Variants in TMTC3 observed in about 807,000 individuals in gnomAD.
TMTC3 encodes the protein protein O-mannosyl-transferase TMTC3.
TMTC3 carries 52 observed loss-of-function variants against 92.2 expected under a neutral mutation model. That is an observed-to-expected ratio of 0.56 (90% CI 0.45 to 0.71). The LOEUF is 0.71. TMTC3 is among the 30% of genes least tolerant of loss of function. TMTC3 has a pLI of 0.00. For missense variants in TMTC3, 896 were observed against 1,057.1 expected, an observed-to-expected ratio of 0.85 and a Z score of 2.11; for synonymous variants, 339 against 363.3, an observed-to-expected ratio of 0.93 and a Z score of 0.76.
At chr12:88,193,011 C>G (rs1376876258) in intron 13 of TMTC3, among the ~76,000 whole-genome samples, 181 bp downstream of exon 13, 1 of 152,088 alleles carries the variant, frequency 6.6e-6, no homozygotes, top group Non-Finnish European at 1.5e-5. Context: ...TTTCAAGTAA[C>G]ATGCATTCTA....
chr12:88,190,236 ATTTGTAT>A (rs2041426935), intron 11 of TMTC3, among the ~76,000 whole-genome samples: 1 of 152,098 alleles, frequency 6.6e-6, no homozygotes, highest in African/African-American at 2.4e-5. Context: ...TTAGCTTTTT[ATTTGTAT>A]CTGTCTTTTT....
intron 6 of TMTC3, among the ~76,000 whole-genome samples, chr12:88,161,637 T>A (rs543279384): frequency 2.0e-5 from 3 of 152,028 alleles, no homozygotes; most frequent in Non-Finnish European, 4.4e-5. Flanking sequence ...TCCTTTTTTC[T>A]CTCTTTCCAC....
chr12:88,168,664 G>C (rs555783869), intron 7 of TMTC3, among the ~76,000 whole-genome samples: 3 of 152,272 alleles, frequency 2.0e-5, no homozygotes, highest in Admixed American at 2.0e-4. Flanking sequence ...TGGTTAAGTG[G>C]TAGACTTAAG....
Position 88,192,652 on chromosome 12 carries a change from A to G in TMTC3, c.1755A>G (p.Ala585=), listed in dbSNP as rs2138444360. The change falls in exon 13 of 14, where the codon GCA becomes GCG. Residue 585 remains alanine (A), a synonymous_variant. Coordinates refer to ENST00000266712, the MANE Select transcript of TMTC3 (RefSeq NM_181783.4). ...ATAAACCTCTTAAAGCAAAGGAAGC[A>G]TATCTTAAAGCACTAGAGCTGGACA... The part of the protein sequence containing the change: ...KMNKPLKAKE[A]YLKALELDRN... 2.5e-6 allele frequency: 4 copies of G among 1,612,528 alleles called. No homozygotes were observed. The highest frequency in any genetic ancestry group is 2.2e-5 in the South Asian group (2 of 91,014).
Position 88,148,511 on chromosome 12 carries a change from A to G in TMTC3, c.189+7A>G. 7 of 1,577,216 alleles carry G rather than the reference A, an allele frequency of 4.4e-6. No individual in the cohort carries two copies. The highest frequency in any genetic ancestry group is 5.2e-6 in the Non-Finnish European group (6 of 1,157,432). On this transcript the variant is annotated splice_region_variant and intron_variant, in intron 2 of 13. Coordinates refer to ENST00000266712, the MANE Select transcript of TMTC3 (RefSeq NM_181783.4). Reference sequence around the variant, plus strand: ...GGGAACCCCTATGTCTGAGGTAAGTAATTACTTACATATTACTTGTACATG... The same window carrying G: ...GGGAACCCCTATGTCTGAGGTAAGTGATTACTTACATATTACTTGTACATG...
At position 88,196,144 on chromosome 12, in the gene TMTC3, T is replaced by A. The variant is rs1447426759; in HGVS notation, c.*495T>A. 6.6e-6 allele frequency: 1 copy of A among 152,258 alleles called. No homozygotes were observed. The highest frequency in any genetic ancestry group is 1.5e-5 in the Non-Finnish European group (1 of 68,004). 9.4% of individuals were successfully genotyped at this position (152,258 alleles called of 1,614,324 possible). A position where few individuals can be genotyped will look rare whatever the true frequency, so the allele number is the denominator to read the frequency against. On this transcript the variant is annotated 3_prime_UTR_variant, in exon 14 of 14. Coordinates refer to ENST00000266712, the MANE Select transcript of TMTC3 (RefSeq NM_181783.4). ...ACTACAAAAGAATGCTGGCTTTTTT[T>A]ATGTTGTATTCCTTAGTTGAGTTTT...
rs1235536940 is a variant in TMTC3 at position 88,196,416 on chromosome 12, TTTACTC to T, written c.*768_*773del. ...ATAATCATGATTTTTTTTTTTTACT[TTTACTC>T]CCCAAATTATTCATGTTTCTTAGAT... On this transcript the variant is annotated 3_prime_UTR_variant, in exon 14 of 14. Transcript: ENST00000266712. The T allele has an allele frequency of 6.6e-6, 1 of 152,278 alleles. No individual in the cohort carries two copies. The highest frequency in any genetic ancestry group is 2.4e-5 in the African/African-American group (1 of 41,418). The allele number at this position is 152,278 out of a possible 1,614,324, so 9.4% of individuals were successfully genotyped here.
At chr12:88,192,028 C>CTTTCTTTT (rs1555234667) in intron 12 of TMTC3, among the ~76,000 whole-genome samples, 2 of 123,032 alleles carry the variant, frequency 1.6e-5, no homozygotes, top group African/African-American at 6.0e-5. Flanking sequence ...TTTTTTTTTT[C>CTTTCTTTT]TTTTTTTTTT....
intron 10 of TMTC3, among the ~76,000 whole-genome samples, chr12:88,183,236 A>G (rs565828595): frequency 6.6e-6 from 1 of 152,322 alleles, no homozygotes; most frequent in African/African-American, 2.4e-5. Context: ...GAGGAGAGGA[A>G]TAACAGTGGC....
chr12:88,190,710 A>G, intron 12 of TMTC3, 88 bp downstream of exon 12: 2 of 1,407,728 alleles, frequency 1.4e-6, no homozygotes, highest in East Asian at 2.4e-5. Context: ...TTTTTTGAAA[A>G]AAAATTATGT....
At chr12:88,192,028 C>CTTTTTTTTTTTTTTT (rs112229647) in intron 12 of TMTC3, among the ~76,000 whole-genome samples, 1 of 123,028 alleles carries the variant, frequency 8.1e-6, no homozygotes, top group Non-Finnish European at 1.7e-5. Flanking sequence ...TTTTTTTTTT[C>CTTTTTTTTTTTTTTT]TTTTTTTTTT....
Position 88,149,899 on chromosome 12 carries a change from A to G in TMTC3, c.189+1395A>G, listed in dbSNP as rs189526942. Among the ~76,000 whole-genome samples the G allele has an allele frequency of 1.9e-3, 290 of 152,216 alleles. 1 individual carries two copies. The highest frequency in any genetic ancestry group is 6.4e-3 in the African/African-American group (264 of 41,538). On this transcript the variant is annotated intron_variant, in intron 2 of 13. Transcript: ENST00000266712. ...TTCTACACAGCTTGTCCTCCTCTAT[A>G]CCTACCTTTGATCTCCAGAGACCCT...
intron 7 of TMTC3, among the ~76,000 whole-genome samples, chr12:88,171,047 A>G (rs1274808397): frequency 2.0e-5 from 3 of 152,146 alleles, no homozygotes; most frequent in South Asian, 4.1e-4. Flanking sequence ...AGTTAAATAC[A>G]TTTAACCTTT....
At chr12:88,146,611 G>GTGTGTA (rs755721380) in intron 1 of TMTC3, among the ~76,000 whole-genome samples, 33 of 147,878 alleles carry the variant, frequency 2.2e-4, no homozygotes, top group African/African-American at 7.2e-4. Flanking sequence ...GTGTGTGTGT[G>GTGTGTA]TATATATATA....
At chr12:88,180,494 TTGTAA>T (rs2041305539) in intron 10 of TMTC3, among the ~76,000 whole-genome samples, 1 of 151,734 alleles carries the variant, frequency 6.6e-6, no homozygotes, top group East Asian at 1.9e-4. Context: ...CCTATGAGAG[TTGTAA>T]TGTACAACAG....
At chr12:88,154,527 G>A in intron 4 of TMTC3, 140 bp downstream of exon 4, 1 of 491,888 alleles carries the variant, frequency 2.0e-6, no homozygotes, top group Non-Finnish European at 3.5e-6. Flanking sequence ...TTTAGCATAT[G>A]TGAAAATATG....
intron 9 of TMTC3, 63 bp from the exon 10 acceptor site, chr12:88,176,145 T>C: frequency 9.4e-7 from 1 of 1,066,536 alleles, no homozygotes; most frequent in Non-Finnish European, 1.4e-6. Context: ...CAAACAAATA[T>C]CTGTATGAAC....
intron 7 of TMTC3, among the ~76,000 whole-genome samples, chr12:88,170,352 A>G (rs1378539123): frequency 1.3e-5 from 2 of 152,194 alleles, no homozygotes; most frequent in South Asian, 4.1e-4. Flanking sequence ...TTTTTTTTTC[A>G]ATGAACTACA....
At chr12:88,166,703 C>A in intron 7 of TMTC3, 121 bp downstream of exon 7, 1 of 1,114,170 alleles carries the variant, frequency 9.0e-7, no homozygotes, top group Non-Finnish European at 1.2e-6. Flanking sequence ...AACGGCATCC[C>A]AATTTATAAA....
Sources: allele counts gnomAD v4.1 joint callset (sites outside exome capture counted in the v4.1 genomes callset), GRCh38; gene constraint gnomAD v4.1.1; transcripts MANE v1.5; gene names NCBI Gene and HGNC (gene_info 2026-07-23, HGNC 2026-07-21).